Variants in HACL1 observed in about 807,000 individuals in gnomAD.
HACL1 encodes the protein 1600020H07Rik.
In HACL1, 64 loss-of-function variants were observed where a neutral mutation model predicts 74.2. The ratio of observed to expected loss-of-function variants is 0.86; its 90% CI spans 0.70 to 1.06. The LOEUF is 1.06. Ranked by LOEUF, HACL1 falls within the 50% of genes least tolerant of loss-of-function variation. The pLI is 0.00. For synonymous variants in HACL1, 230 were observed against 238.8 expected (o/e 0.96, Z 0.34); for missense variants, 728 against 719.7 (o/e 1.01, Z -0.13).
In HACL1 at chr3:15,571,687, C is replaced by T. The variant is rs768304495; in HGVS notation, c.1076G>A (p.Ser359Asn). The T allele has an allele frequency of 6.8e-7, 1 of 1,473,304 alleles. No homozygotes were observed. Among genetic ancestry groups the T allele is most frequent in the Non-Finnish European group, 9.5e-7 (1 of 1,052,646 alleles). The allele number at this position is 1,473,304 out of a possible 1,614,324, so 91.3% of individuals were successfully genotyped here. ...WWKTLREKMK[S>N]NEAASKELAS... Reference sequence around the variant, plus strand: ...TTTTACCTTGGATGCAGCTTCATTGCTCTTCATTTTTTCTCTCAGAGTTTT... The same window carrying T: ...TTTTACCTTGGATGCAGCTTCATTGTTCTTCATTTTTTCTCTCAGAGTTTT... The change falls in exon 12 of 17, where the codon AGC becomes AAC. Residue 359 changes from serine to asparagine, a missense_variant. Coordinates refer to ENST00000321169, the MANE Select transcript of HACL1 (RefSeq NM_012260.4).
At chr3:15,589,758 G>A in intron 4 of HACL1, 146 bp from the exon 5 acceptor site, 1 of 619,934 alleles carries the variant, frequency 1.6e-6, no homozygotes, top group South Asian at 2.2e-5. Context: ...ATTAAGGCTG[G>A]GTGAGGTGGC....
intron 2 of HACL1, 118 bp from the exon 3 acceptor site, chr3:15,596,542 T>C: frequency 3.1e-6 from 2 of 647,096 alleles, no homozygotes; most frequent in Non-Finnish European, 5.6e-6. Flanking sequence ...ATTAAAATAT[T>C]TCCAACCTTA....
rs769913510 is a variant in HACL1 at position 15,591,629 on chromosome 3, G to A, written c.279C>T (p.Gly93=). 5 of 1,608,884 alleles carry A rather than the reference G, an allele frequency of 3.1e-6. No individual in the cohort carries two copies. Among genetic ancestry groups the A allele is most frequent in the Non-Finnish European group, 4.3e-6 (5 of 1,175,748 alleles). The change falls in exon 4 of 17, where the codon GGC becomes GGT. Residue 93 remains glycine (G), a synonymous_variant. Coordinates refer to ENST00000321169, the MANE Select transcript of HACL1 (RefSeq NM_012260.4). ...VSGPGLIHAL[G]GMANANMNCW... ...AGTTCATGTTTGCATTTGCCATACC[G>A]CCCAAGGCATGGATGAGACCTGGGC...
intron 4 of HACL1, among the ~76,000 whole-genome samples, chr3:15,591,108 C>T (rs1465180392): frequency 6.6e-6 from 1 of 152,128 alleles, no homozygotes. Flanking sequence ...CTCTAAGTAA[C>T]TAAATTACTG....
In HACL1 at chr3:15,571,775, A is replaced by G; in HGVS notation, c.994-6T>C. 5 of 1,009,926 alleles carry G rather than the reference A, an allele frequency of 5.0e-6. No individual in the cohort carries two copies. The highest frequency in any genetic ancestry group is 2.1e-5 in the Admixed American group (1 of 48,078). 62.6% of individuals were successfully genotyped at this position (1,009,926 alleles called of 1,614,324 possible). ...TTATCAAGTTCCTCTAAAAGCTTAA[A>G]AAAAAAAAAACACACACACACAAAC... is the stretch of plus-strand genomic sequence containing the variant. On this transcript the variant is annotated splice_polypyrimidine_tract_variant and splice_region_variant and intron_variant, in intron 11 of 16. Coordinates refer to ENST00000321169, the MANE Select transcript of HACL1 (RefSeq NM_012260.4).
intron 12 of HACL1, among the ~76,000 whole-genome samples, 192 bp downstream of exon 12, chr3:15,571,476 T>C (rs1384152577): frequency 6.6e-6 from 1 of 151,752 alleles, no homozygotes; most frequent in East Asian, 1.9e-4. Context: ...ATTAGGTTCT[T>C]ATCTTATTTT....
In HACL1 at chr3:15,591,665, A is replaced by C; in HGVS notation, c.243T>G (p.Leu81=). 6.2e-7 allele frequency: 1 copy of C among 1,611,094 alleles called. No homozygotes were observed. The highest frequency in any genetic ancestry group is 8.5e-7 in the Non-Finnish European group (1 of 1,177,558). ...GGATGAGACCTGGGCCAGAAACAAC[A>C]AGGCAGACTCCTGGCCTAAAAGCAA... is the stretch of plus-strand genomic sequence containing the variant. ...GYLTSRPGVC[L]VVSGPGLIHA... Residue 81 remains leucine (L), a synonymous_variant, in exon 4 of 17, where the codon CTT becomes CTG. Coordinates refer to ENST00000321169, the MANE Select transcript of HACL1 (RefSeq NM_012260.4).
chr3:15,569,521 TA>T (rs1359041488), intron 12 of HACL1, among the ~76,000 whole-genome samples: 1 of 149,638 alleles, frequency 6.7e-6, no homozygotes, highest in East Asian at 2.0e-4. Context: ...CTGTCTCTAC[TA>T]AAAAAAATAC....
chr3:15,567,330 C>T (rs1311251568), intron 14 of HACL1, among the ~76,000 whole-genome samples: 3 of 151,632 alleles, frequency 2.0e-5, no homozygotes, highest in Non-Finnish European at 4.4e-5. Flanking sequence ...CTGCTTCAGC[C>T]TCCCGAGTAG....
intron 8 of HACL1, among the ~76,000 whole-genome samples, chr3:15,582,173 G>A (rs1209755025): frequency 1.3e-5 from 2 of 152,138 alleles, no homozygotes; most frequent in African/African-American, 4.8e-5. Flanking sequence ...TCCAGAACAC[G>A]AAATGGATAC....
chr3:15,574,022 T>G (rs2063579645), intron 10 of HACL1, among the ~76,000 whole-genome samples: 1 of 152,186 alleles, frequency 6.6e-6, no homozygotes, highest in South Asian at 2.1e-4. Flanking sequence ...AGTTGACTCC[T>G]TAAGAAGTAA....
At chr3:15,600,958 C>A in intron 2 of HACL1, 132 bp downstream of exon 2, 1 of 663,008 alleles carries the variant, frequency 1.5e-6, no homozygotes, top group Non-Finnish European at 2.8e-6. Context: ...AGTTAATATT[C>A]AACAGTGATT....
At chr3:15,568,118 AC>A in intron 13 of HACL1, 116 bp from the exon 14 acceptor site, 1 of 888,238 alleles carries the variant, frequency 1.1e-6, no homozygotes, top group Non-Finnish European at 1.7e-6. Context: ...AACCATAAAA[AC>A]ATTCTCTTTC....
At chr3:15,561,256 C>T (rs993146639) in intron 16 of HACL1, among the ~76,000 whole-genome samples, 2 of 152,200 alleles carry the variant, frequency 1.3e-5, no homozygotes, top group South Asian at 2.1e-4. Context: ...GAACTGTGCA[C>T]GGAAGTCTTT....
At chr3:15,596,753 G>A (rs2134784) in intron 2 of HACL1, among the ~76,000 whole-genome samples, 3,594 of 152,086 alleles carry the variant, frequency 0.024, 222 homozygotes, top group Admixed American at 0.12. Context: ...CTCATGAGGG[G>A]TTTATCAAAT....
rs746875572 is a variant in HACL1 at position 15,596,381 on chromosome 3, T to G, written c.227+3A>C. The G allele has an allele frequency of 2.6e-6, 4 of 1,564,816 alleles. No homozygotes were observed. In the East Asian group the frequency reaches 9.0e-5, roughly 35 times the overall value. On this transcript the variant is annotated splice_donor_region_variant and intron_variant, in intron 3 of 16. Coordinates refer to ENST00000321169, the MANE Select transcript of HACL1 (RefSeq NM_012260.4). Reference sequence around the variant, plus strand: ...AATTGAAGTGAAACAAATTTTAGTTTACCTGCTTGTCAGATATCCAATCGC... The same window carrying G: ...AATTGAAGTGAAACAAATTTTAGTTGACCTGCTTGTCAGATATCCAATCGC...
At chr3:15,574,030 T>G (rs1369303942) in intron 10 of HACL1, among the ~76,000 whole-genome samples, 2 of 152,030 alleles carry the variant, frequency 1.3e-5, no homozygotes, top group African/African-American at 2.4e-5. Context: ...CCTTAAGAAG[T>G]AAAAGGTAGA....
intron 2 of HACL1, among the ~76,000 whole-genome samples, chr3:15,597,262 T>C (rs929477011): frequency 1.3e-5 from 2 of 152,256 alleles, no homozygotes; most frequent in South Asian, 2.1e-4. Context: ...AGATTCTTTT[T>C]AGTGATCTCT....
intron 5 of HACL1, 44 bp from the exon 6 acceptor site, chr3:15,586,646 T>C (rs1285720097): frequency 9.3e-7 from 1 of 1,069,672 alleles, no homozygotes. Flanking sequence ...CTCACAATCA[T>C]GTTACTCTCC....
Sources: gnomAD v4.1 joint callset for allele counts (sites outside exome capture counted in the v4.1 genomes callset) on GRCh38, gnomAD v4.1.1 for gene constraint, MANE v1.5 for transcripts, NCBI Gene and HGNC (gene_info 2026-07-23, HGNC 2026-07-21) for gene names.